The following WDR11 variants were observed in gnomAD, a reference collection of about 807,000 sequenced individuals.
The protein encoded by WDR11 is WD repeat-containing protein 11.
In WDR11, 83 loss-of-function variants were observed where a neutral mutation model predicts 151.2. The ratio of observed to expected loss-of-function variants is 0.55; its 90% confidence interval spans 0.46 to 0.66. The LOEUF (loss-of-function observed/expected upper bound fraction) is 0.66, where lower values mean the gene tolerates loss of function less well. WDR11 is among the 30% of genes least tolerant of loss of function. WDR11 has a pLI of 0.00. For missense variants in WDR11, 1,301 were observed against 1,480.9 expected (o/e 0.88, Z 1.99); for synonymous variants, 484 against 533.1 (o/e 0.91, Z 1.27).
chr10:120,901,227 C>A, intron 21 of WDR11, 129 bp downstream of exon 21: 1 of 820,858 alleles, frequency 1.2e-6, no homozygotes, highest in Non-Finnish European at 2.0e-6. Context: ...AGAGACCATT[C>A]TGTTTAGAGG....
chr10:120,877,517 C>G (rs2133769785), intron 11 of WDR11, among the ~76,000 whole-genome samples: 1 of 152,030 alleles, frequency 6.6e-6, no homozygotes, highest in South Asian at 2.1e-4. Flanking sequence ...CATTTGGGAG[C>G]CTGAGGTGGG....
chr10:120,902,729 A>T (rs1485481585), intron 22 of WDR11, among the ~76,000 whole-genome samples: 2 of 145,404 alleles, frequency 1.4e-5, no homozygotes, highest in African/African-American at 5.7e-5. Flanking sequence ...CTAGCCAGTT[A>T]TCCCAGAGGA....
At chr10:120,863,816 TGTAA>T (rs1846219221) in intron 5 of WDR11, among the ~76,000 whole-genome samples, 1 of 152,290 alleles carries the variant, frequency 6.6e-6, no homozygotes, top group African/African-American at 2.4e-5. Flanking sequence ...TGCACTTGTG[TGTAA>T]GTATCACTTC....
intron 19 of WDR11, 117 bp downstream of exon 19, chr10:120,891,004 C>A: frequency 8.7e-7 from 1 of 1,144,556 alleles, no homozygotes; most frequent in Non-Finnish European, 1.3e-6. Flanking sequence ...TTCTTAGAAT[C>A]TGAGTTTAAG....
chr10:120,891,627 G>T (rs1043276310), intron 19 of WDR11, among the ~76,000 whole-genome samples: 1 of 152,172 alleles, frequency 6.6e-6, no homozygotes, highest in African/African-American at 2.4e-5. Context: ...AAACTTTGGT[G>T]CACACTCTAG....
chr10:120,869,676 T>G (rs986659944), intron 9 of WDR11, among the ~76,000 whole-genome samples: 1 of 152,198 alleles, frequency 6.6e-6, no homozygotes, highest in African/African-American at 2.4e-5. Flanking sequence ...TTGCCTCTTA[T>G]GAAAAATACT....
rs1364420471 is a variant in WDR11, at chr10:120,865,180, G to A, written c.847G>A (p.Ala283Thr). ...GGTGAATCAGACGGTGGGTGTGATT[G>A]CAATAGAACGCACAGGAGTTCCATT... ...LEVNQTVGVI[A>T]IERTGVPFLQ... is the part of the protein sequence containing the mutation. Residue 283 changes from alanine to threonine, a missense_variant, in exon 6 of 29, where the codon GCA becomes ACA. This residue lies in a region of WDR11 where 692 missense variants were observed against 762.5 expected (regional missense o/e 0.91). Transcript: ENST00000263461. The A allele has an allele frequency of 7.4e-6, 12 of 1,613,700 alleles. No homozygotes were observed. Among genetic ancestry groups the A allele is most frequent in the Non-Finnish European group, 1.0e-5 (12 of 1,179,824 alleles).
intron 9 of WDR11, among the ~76,000 whole-genome samples, chr10:120,869,162 A>G (rs6585668): frequency 0.36 from 50,140 of 138,150 alleles, 8,865 homozygotes; most frequent in Admixed American, 0.44. Context: ...CCAGGCTGGA[A>G]TGCAGTGGCG....
At chr10:120,883,472 C>T (rs1169228547) in intron 13 of WDR11, among the ~76,000 whole-genome samples, 2 of 152,106 alleles carry the variant, frequency 1.3e-5, no homozygotes, top group African/African-American at 4.8e-5. Context: ...TGAGATTCTC[C>T]TGTCATGTGT....
intron 19 of WDR11, among the ~76,000 whole-genome samples, chr10:120,899,258 C>G (rs972164448): frequency 3.3e-5 from 5 of 152,202 alleles, no homozygotes; most frequent in African/African-American, 1.2e-4. Flanking sequence ...ATAAGTGAGA[C>G]CTGGGAATGC....
At chr10:120,889,761 C>T in intron 17 of WDR11, 134 bp from the exon 18 acceptor site, 1 of 719,158 alleles carries the variant, frequency 1.4e-6, no homozygotes, top group Non-Finnish European at 2.5e-6. Context: ...ATGTGGCCCC[C>T]AGTCCCAGCA....
intron 11 of WDR11, among the ~76,000 whole-genome samples, chr10:120,875,720 A>G (rs1972858): frequency 0.37 from 56,516 of 151,670 alleles, 10,606 homozygotes; most frequent in Admixed American, 0.44. Context: ...GGCCAGGCTG[A>G]TGTTGAACTC....
intron 18 of WDR11, 59 bp from the exon 19 acceptor site, chr10:120,890,657 T>A (rs1847401998): frequency 1.2e-6 from 2 of 1,604,128 alleles, no homozygotes; most frequent in Non-Finnish European, 1.7e-6. Context: ...CCATTTAATC[T>A]AGAATAATAA....
rs185255081 is a variant in WDR11, at chr10:120,903,101, C to T, written c.2800C>T (p.His934Tyr). The part of the protein sequence containing the change: ...SELHFWTVAA[H>Y]YLHSLSQEKS... Reference sequence around the variant, plus strand: ...GCTGCACTTCTGGACTGTCGCTGCCCACTACCTGCACAGCTTATCCCAGGA... The same window carrying T: ...GCTGCACTTCTGGACTGTCGCTGCCTACTACCTGCACAGCTTATCCCAGGA... Residue 934 changes from histidine to tyrosine, a missense_variant, in exon 23 of 29, where the codon CAC becomes TAC. Around this residue, in one of 3 missense-constraint regions of WDR11, gnomAD observed 589 missense variants for 670.6 expected, o/e 0.88. Transcript: ENST00000263461. The T allele has an allele frequency of 5.1e-5, 82 of 1,614,160 alleles. No homozygotes were observed. The East Asian group carries it at 1.8e-3, about 35-fold the overall frequency.
At chr10:120,897,206 C>T (rs891801930) in intron 19 of WDR11, among the ~76,000 whole-genome samples, 7 of 152,024 alleles carry the variant, frequency 4.6e-5, no homozygotes, top group Non-Finnish European at 7.4e-5. Flanking sequence ...AGTAAGGAAA[C>T]GGGAAGTGGG....
chr10:120,902,924 C>A, intron 22 of WDR11, 131 bp from the exon 23 acceptor site: 1 of 954,460 alleles, frequency 1.0e-6, no homozygotes, highest in Non-Finnish European at 1.6e-6. Flanking sequence ...CCCCTTTCAC[C>A]CTGTCAGGCC....
chr10:120,862,899 T>C lies in WDR11; in HGVS notation c.691T>C (p.Leu231=). 6.2e-7 allele frequency: 1 copy of C among 1,613,212 alleles called. No individual in the cohort carries two copies. Among genetic ancestry groups the C allele is most frequent in the South Asian group, 1.1e-5 (1 of 91,064 alleles). The stretch of plus-strand genomic sequence containing the variant: ...GAAAGCTCTAAATAAAGTAAAAATT[T>C]TAATCACTCAAGAGAAACCTAGGTA... ...AKKALNKVKI[L]ITQEKPSAEF... The change falls in exon 5 of 29, where the codon TTA becomes CTA. Residue 231 remains leucine, a synonymous_variant. Coordinates refer to ENST00000263461, the MANE Select transcript of WDR11 (RefSeq NM_018117.12).
At chr10:120,852,217 A>T in intron 1 of WDR11, 3 of 358,040 alleles carry the variant, frequency 8.4e-6, no homozygotes, top group Non-Finnish European at 1.6e-5. Context: ...TAGAAATCGG[A>T]TAAGCGAAAG....
Position 120,908,880 on chromosome 10 carries a change from TGA to T in WDR11, c.*171_*172del. 1 of 721,256 alleles carries T rather than the reference TGA, an allele frequency of 1.4e-6. No homozygotes were observed. Among genetic ancestry groups the T allele is most frequent in the Non-Finnish European group, 2.4e-6 (1 of 417,144 alleles). The allele number at this position is 721,256 out of a possible 1,614,324, so 44.7% of individuals were successfully genotyped here. On this transcript the variant is annotated 3_prime_UTR_variant, in exon 29 of 29. Coordinates refer to ENST00000263461, the MANE Select transcript of WDR11 (RefSeq NM_018117.12). ...CCCAAAAGCACATAAGCATCTATGT[TGA>T]GAGTAAGTTTGTATCCTGCGTTGGT...
Sources: allele counts gnomAD v4.1 joint callset (sites outside exome capture counted in the v4.1 genomes callset), GRCh38; gene constraint gnomAD v4.1.1; regional missense constraint gnomAD v4.1.1; transcripts MANE v1.5; gene names NCBI Gene and HGNC (gene_info 2026-07-23, HGNC 2026-07-21).